The following CABIN1 variants were observed in gnomAD, a reference collection of about 807,000 sequenced individuals.
The protein encoded by CABIN1 is calcineurin-binding protein cabin-1.
A neutral mutation model predicts 227.7 loss-of-function variants in CABIN1; 133 were observed. The observed-to-expected ratio is 0.58, with a 90% CI of 0.51 to 0.67. CABIN1 has a LOEUF of 0.67. CABIN1 is among the 30% of genes least tolerant of loss of function. CABIN1 has a pLI of 0.00. For synonymous variants in CABIN1, 1,086 were observed against 1,155.1 expected, an observed-to-expected ratio of 0.94 and a Z score of 1.21; for missense variants, 2,408 against 2,852.5, an observed-to-expected ratio of 0.84 and a Z score of 3.55.
chr22:24,080,679 G>T lies in CABIN1; in HGVS notation c.2749-2549G>T, dbSNP rs141619783. Among the ~76,000 whole-genome samples, 1,440 of 151,936 alleles carry T rather than the reference G, an allele frequency of 9.5e-3. 29 individuals are homozygous for T. The highest frequency in any genetic ancestry group is 0.033 in the African/African-American group (1,353 of 41,404). On this transcript the variant is annotated intron_variant, in intron 19 of 36. Coordinates refer to ENST00000263119, the MANE Select transcript of CABIN1 (RefSeq NM_012295.4). ...GTATATTTTGTTAGATTGTTGCCTA[G>T]GTTTCATTTGTTTTTATTAGTGTTG...
At chr22:24,127,834 A>G (rs906021447) in intron 28 of CABIN1, among the ~76,000 whole-genome samples, 1 of 152,052 alleles carries the variant, frequency 6.6e-6, no homozygotes, top group Non-Finnish European at 1.5e-5. Context: ...ATATATATAT[A>G]TATGAGTGAT....
chr22:24,106,936 A>G (rs975747163), intron 26 of CABIN1, among the ~76,000 whole-genome samples: 1 of 152,224 alleles, frequency 6.6e-6, no homozygotes, highest in African/African-American at 2.4e-5. Context: ...AATCAGGGTC[A>G]TTTTAAATAG....
At chr22:24,115,670 C>G (rs1034781902) in intron 27 of CABIN1, among the ~76,000 whole-genome samples, 2 of 152,212 alleles carry the variant, frequency 1.3e-5, no homozygotes, top group Admixed American at 6.5e-5. Flanking sequence ...CCCCTGATCT[C>G]CCATTGGGTA....
At position 24,055,133 on chromosome 22, in the gene CABIN1, GTC is replaced by G. The variant is rs1318127928; in HGVS notation, c.1069_1070del (p.Leu357ValfsTer9). 6.2e-7 allele frequency: 1 copy of G among 1,613,266 alleles called. No individual in the cohort carries two copies. Among genetic ancestry groups the G allele is most frequent in the Non-Finnish European group, 8.5e-7 (1 of 1,180,030 alleles). On this transcript the variant is annotated frameshift_variant, in exon 9 of 37. Transcript: ENST00000263119. LOFTEE classifies it high-confidence loss of function. ...ACCAGCTTCCCACTGCACAGTCCTG[GTC>G]TGTTGGAGACAGGCGCTCCTGTGGG...
chr22:24,041,414 TC>T, intron 5 of CABIN1, 141 bp downstream of exon 5: 1 of 1,055,710 alleles, frequency 9.5e-7, no homozygotes, highest in Non-Finnish European at 1.4e-6. Context: ...CTAGGGTAGG[TC>T]CATAGGTGAT....
chr22:24,111,197 A>G (rs2042788496), intron 26 of CABIN1, among the ~76,000 whole-genome samples: 1 of 152,246 alleles, frequency 6.6e-6, no homozygotes, highest in Non-Finnish European at 1.5e-5. Context: ...TACCTGACCT[A>G]CCAACATCAT....
chr22:24,107,662 C>T (rs1035424037), intron 26 of CABIN1, among the ~76,000 whole-genome samples: 4 of 152,224 alleles, frequency 2.6e-5, no homozygotes, highest in African/African-American at 9.7e-5. Flanking sequence ...CACATTGCAG[C>T]ATCAAGAGGG....
chr22:24,035,652 G>A, intron 2 of CABIN1, 132 bp downstream of exon 2: 2 of 1,155,028 alleles, frequency 1.7e-6, no homozygotes, highest in Non-Finnish European at 1.3e-6. Flanking sequence ...CAGGAAGGCT[G>A]TTGGCACCTT....
In CABIN1 at chr22:24,104,908, C is replaced by T. The variant is rs375719062; in HGVS notation, c.4117+6716C>T. ...GAGCTGTTGCAGTAGCACAAGCATA[C>T]ATCTTCTTCCTCAGGCTTTCACTGC... On this transcript the variant is annotated intron_variant, in intron 26 of 36. Transcript: ENST00000263119. 6.7e-4 allele frequency among the ~76,000 whole-genome samples: 102 copies of T among 152,348 alleles called. 1 individual carries two copies. The highest frequency in any genetic ancestry group is 2.3e-3 in the African/African-American group (97 of 41,570).
chr22:24,081,309 A>G (rs1467283188), intron 19 of CABIN1, among the ~76,000 whole-genome samples: 1 of 152,172 alleles, frequency 6.6e-6, no homozygotes, highest in Non-Finnish European at 1.5e-5. Context: ...GGGGAGTGTT[A>G]TAATAAATTC....
chr22:24,071,093 G>C (rs1348221063), intron 17 of CABIN1, 51 bp downstream of exon 17: 1 of 1,611,570 alleles, frequency 6.2e-7, no homozygotes, highest in Admixed American at 1.7e-5. Context: ...GTATGTCTCT[G>C]TGACATCCTG....
intron 3 of CABIN1, 77 bp downstream of exon 3, chr22:24,036,258 G>A: frequency 9.6e-7 from 1 of 1,046,952 alleles, no homozygotes. Context: ...ATACATTTAG[G>A]CATCTCCTCA....
chr22:24,057,366 CT>C (rs1338712538), intron 10 of CABIN1, among the ~76,000 whole-genome samples: 1 of 152,228 alleles, frequency 6.6e-6, no homozygotes, highest in Non-Finnish European at 1.5e-5. Context: ...CCTCCCTTAG[CT>C]GAGTGGAGAG....
Position 24,167,248 on chromosome 22 carries a change from G to A in CABIN1, c.5617G>A (p.Gly1873Ser), listed in dbSNP as rs754407218. Residue 1873 changes from glycine (G) to serine (S), a missense_variant, in exon 32 of 37, where the codon GGT becomes AGT. By Grantham distance (56) the Gly-to-Ser change is moderately conservative (BLOSUM62 0). This residue lies in a region of CABIN1 where 714 missense variants were observed against 773.8 expected (regional missense o/e 0.92). Transcript: ENST00000263119. The stretch of plus-strand genomic sequence containing the variant: ...CCGTGTGTGGCAGCAGGGCCAGAAG[G>A]GTGTGGCCTATGACCTGGGCCGTGT... ...AYRVWQQGQK[G>S]VAYDLGRVER... The A allele has an allele frequency of 1.8e-5, 29 of 1,613,464 alleles. No individual in the cohort carries two copies. In the South Asian group the frequency reaches 2.6e-4, roughly 15 times the overall value.
At chr22:24,058,918 C>G (rs1432896731) in intron 10 of CABIN1, among the ~76,000 whole-genome samples, 2 of 152,244 alleles carry the variant, frequency 1.3e-5, no homozygotes, top group Admixed American at 1.3e-4. Flanking sequence ...GGTAAGCTTA[C>G]TGCAGGCAGG....
At chr22:24,165,051 G>T (rs1270537341) in intron 30 of CABIN1, among the ~76,000 whole-genome samples, 1 of 152,200 alleles carries the variant, frequency 6.6e-6, no homozygotes, top group East Asian at 1.9e-4. Flanking sequence ...AGGGGGTGTT[G>T]GGGGGATCCT....
At chr22:24,095,557 A>G (rs1251107220) in intron 24 of CABIN1, among the ~76,000 whole-genome samples, 1 of 152,154 alleles carries the variant, frequency 6.6e-6, no homozygotes, top group Non-Finnish European at 1.5e-5. Context: ...GTGGGGAGAC[A>G]GATGTAGAAA....
At position 24,036,076 on chromosome 22, in the gene CABIN1, C is replaced by T. The variant is rs376832377; in HGVS notation, c.4-13C>T. On this transcript the variant is annotated splice_polypyrimidine_tract_variant and intron_variant, in intron 2 of 36. Coordinates refer to ENST00000263119, the MANE Select transcript of CABIN1 (RefSeq NM_012295.4). ...AAAGCAACTTGTCTCTTCCACCAAA[C>T]CCCTGTTTCTAGATTCGAATTGCAG... 6.3e-6 allele frequency: 10 copies of T among 1,596,998 alleles called. No homozygotes were observed. The highest frequency in any genetic ancestry group is 2.2e-5 in the South Asian group (2 of 90,778).
intron 1 of CABIN1, among the ~76,000 whole-genome samples, chr22:24,035,057 A>G (rs1368882983): frequency 6.6e-6 from 1 of 152,166 alleles, no homozygotes; most frequent in Admixed American, 6.5e-5. Context: ...TCAAGGCTTG[A>G]TGCAGTAACT....
Sources: allele counts gnomAD v4.1 joint callset (sites outside exome capture counted in the v4.1 genomes callset), GRCh38; gene constraint gnomAD v4.1.1; regional missense constraint gnomAD v4.1.1; transcripts MANE v1.5; gene names NCBI Gene and HGNC (gene_info 2026-07-23, HGNC 2026-07-21).